The following CTNNA3 variants were observed in gnomAD, a reference collection of about 807,000 sequenced individuals.
The protein encoded by CTNNA3 is catenin alpha-3.
A neutral mutation model predicts 95.7 loss-of-function variants in CTNNA3; 76 were observed. The observed-to-expected ratio is 0.79, with a 90% CI of 0.66 to 0.96. The LOEUF (loss-of-function observed/expected upper bound fraction) is 0.96, where lower values mean the gene tolerates loss of function less well. Ranked by LOEUF, CTNNA3 falls within the 40% of genes least tolerant of loss-of-function variation. CTNNA3 has a pLI of 0.00. For missense variants in CTNNA3, 1,191 were observed against 1,089.8 expected, an observed-to-expected ratio of 1.09 and a Z score of -1.31; for synonymous variants, 431 against 374.4, an observed-to-expected ratio of 1.15 and a Z score of -1.74.
At chr10:66,156,432 G>A (rs555594429) in intron 13 of CTNNA3, among the ~76,000 whole-genome samples, 1 of 152,006 alleles carries the variant, frequency 6.6e-6, no homozygotes, top group South Asian at 2.1e-4. Context: ...AAATTCACAG[G>A]TGAATATACA....
intron 7 of CTNNA3, among the ~76,000 whole-genome samples, chr10:67,046,071 A>T (rs1282589552): frequency 2.0e-5 from 3 of 151,658 alleles, no homozygotes; most frequent in African/African-American, 7.3e-5. Flanking sequence ...TGCCTTATGA[A>T]ATACAATAGC....
At chr10:66,280,032 T>C (rs949697002) in intron 13 of CTNNA3, among the ~76,000 whole-genome samples, 1 of 152,032 alleles carries the variant, frequency 6.6e-6, no homozygotes, top group Admixed American at 6.6e-5. Context: ...CAGAACACTC[T>C]GTGATTTTAT....
chr10:67,687,449 T>C (rs1359113122), intron 1 of CTNNA3, among the ~76,000 whole-genome samples: 1 of 152,212 alleles, frequency 6.6e-6, no homozygotes, highest in African/African-American at 2.4e-5. Flanking sequence ...TACCAGGTGA[T>C]TGACCTGCTC....
intron 11 of CTNNA3, among the ~76,000 whole-genome samples, chr10:66,446,618 C>T (rs36002443): frequency 0.38 from 57,709 of 151,384 alleles, 11,543 homozygotes; most frequent in African/African-American, 0.5. Context: ...TTGACAAAAT[C>T]CAAAAACCCT....
intron 5 of CTNNA3, among the ~76,000 whole-genome samples, chr10:67,225,042 G>A (rs1316525249): frequency 6.6e-6 from 1 of 152,162 alleles, no homozygotes; most frequent in Non-Finnish European, 1.5e-5. Context: ...GGGGCACGGT[G>A]GGAGTGAGAC....
chr10:66,868,397 A>G (rs746552695), intron 7 of CTNNA3, among the ~76,000 whole-genome samples: 1 of 151,728 alleles, frequency 6.6e-6, no homozygotes, highest in African/African-American at 2.4e-5. Flanking sequence ...AAAAACTGTA[A>G]TTAATAGACA....
intron 10 of CTNNA3, among the ~76,000 whole-genome samples, chr10:66,557,182 A>T (rs2660023): frequency 0.99 from 149,840 of 152,022 alleles, 73,874 homozygotes; most frequent in Middle Eastern, 1. Context: ...AACGTGCTTT[A>T]TATGTGTGCA....
intron 15 of CTNNA3, among the ~76,000 whole-genome samples, chr10:66,050,569 C>T (rs72793421): frequency 0.21 from 32,007 of 151,904 alleles, 3,474 homozygotes; most frequent in Admixed American, 0.25. Context: ...CTAGCTGGGA[C>T]GACAGGCTAG....
intron 10 of CTNNA3, among the ~76,000 whole-genome samples, chr10:66,552,324 A>G (rs1842245901): frequency 6.6e-6 from 1 of 152,098 alleles, no homozygotes; most frequent in African/African-American, 2.4e-5. Flanking sequence ...TTGGAGTTTT[A>G]GCCAAAGAGA....
At chr10:66,447,855 A>C (rs1367976106) in intron 11 of CTNNA3, among the ~76,000 whole-genome samples, 1 of 152,204 alleles carries the variant, frequency 6.6e-6, no homozygotes, top group African/African-American at 2.4e-5. Flanking sequence ...GAGCTTCTGC[A>C]CAGCAAAAGA....
chr10:67,744,606 G>T (rs1589587695), intron 1 of CTNNA3, among the ~76,000 whole-genome samples: 1 of 151,110 alleles, frequency 6.6e-6, no homozygotes, highest in East Asian at 1.9e-4. Flanking sequence ...AGGACTTCAT[G>T]TCTAAAACAC....
chr10:66,974,795 C>A (rs1015673566), intron 7 of CTNNA3, among the ~76,000 whole-genome samples: 1 of 151,268 alleles, frequency 6.6e-6, no homozygotes, highest in Admixed American at 6.6e-5. Context: ...ATGTGCTTAC[C>A]AACCATTTGT....
chr10:66,852,065 C>T (rs894086876), intron 7 of CTNNA3, among the ~76,000 whole-genome samples: 4 of 151,930 alleles, frequency 2.6e-5, no homozygotes, highest in East Asian at 1.9e-4. Flanking sequence ...TACAGTGTCA[C>T]GATAAAGGTC....
rs186268552 is a variant in CTNNA3, at chr10:66,978,618, G to A, written c.1047+201699C>T. Among the ~76,000 whole-genome samples, 99 of 140,138 alleles carry A rather than the reference G, an allele frequency of 7.1e-4. 1 individual carries two copies. Among genetic ancestry groups the A allele is most frequent in the African/African-American group, 2.5e-3 (96 of 38,094 alleles). 91.9% of individuals were successfully genotyped at this position (140,138 alleles called of 152,430 possible). A position where few individuals can be genotyped will look rare whatever the true frequency, so the allele number is the denominator to read the frequency against. Reference sequence around the variant, plus strand: ...TAAGGGAGTAGATCTTATGTTAAGTGTTCTTACCACAGTTTTTAAAAAGAG... The same window carrying A: ...TAAGGGAGTAGATCTTATGTTAAGTATTCTTACCACAGTTTTTAAAAAGAG... On this transcript the variant is annotated intron_variant, in intron 7 of 17. Transcript: ENST00000433211.
At chr10:67,410,151 T>TA (rs1403486731) in intron 5 of CTNNA3, among the ~76,000 whole-genome samples, 1 of 152,120 alleles carries the variant, frequency 6.6e-6, no homozygotes, top group Non-Finnish European at 1.5e-5. Context: ...GTGGCTCATA[T>TA]ACACAATGGA....
At chr10:67,440,636 G>C (rs949331153) in intron 5 of CTNNA3, among the ~76,000 whole-genome samples, 1 of 152,108 alleles carries the variant, frequency 6.6e-6, no homozygotes, top group Admixed American at 6.5e-5. Context: ...TCAGCACAGA[G>C]AGAGAAGGTC....
intron 1 of CTNNA3, among the ~76,000 whole-genome samples, chr10:67,745,034 A>T (rs1463569579): frequency 2.5e-4 from 38 of 152,062 alleles, no homozygotes; most frequent in Non-Finnish European, 4.4e-5. Flanking sequence ...GATGTGGAGA[A>T]ATAGGAACAC....
At position 66,002,203 on chromosome 10, in the gene CTNNA3, C is replaced by T. The variant is rs577814355; in HGVS notation, c.2160-13406G>A. Among the ~76,000 whole-genome samples the T allele has an allele frequency of 3.9e-5, 6 of 152,222 alleles. No homozygotes were observed. The South Asian group carries it at 1.2e-3, about 32-fold the overall frequency. On this transcript the variant is annotated intron_variant, in intron 15 of 17. Transcript: ENST00000433211. Reference sequence around the variant, plus strand: ...ATGATAAGTTGAAAAGAGATATAGACTCAAGCAAGGACACACTGTTCTTCT... The same window carrying T: ...ATGATAAGTTGAAAAGAGATATAGATTCAAGCAAGGACACACTGTTCTTCT...
chr10:67,480,182 C>T (rs183505359), intron 5 of CTNNA3, among the ~76,000 whole-genome samples: 3 of 152,092 alleles, frequency 2.0e-5, no homozygotes, highest in East Asian at 3.9e-4. Context: ...TATAGCAATC[C>T]TACTGAAACT....
Sources: gnomAD v4.1 joint callset for allele counts (sites outside exome capture counted in the v4.1 genomes callset) on GRCh38, gnomAD v4.1.1 for gene constraint, MANE v1.5 for transcripts, NCBI Gene and HGNC (gene_info 2026-07-23, HGNC 2026-07-21) for gene names.